ZBTB20: variants seen among roughly 807,000 people sequenced by gnomAD.
The protein encoded by ZBTB20 is zinc finger and BTB domain containing 20.
Under a neutral mutation model 56.9 loss-of-function variants are expected in ZBTB20, and 9 were observed. The observed-to-expected ratio is 0.16, with a 90% CI of 0.10 to 0.28. The LOEUF is 0.28. Ranked by LOEUF, ZBTB20 falls within the 10% of genes least tolerant of loss-of-function variation. The pLI, the probability that ZBTB20 is intolerant of heterozygous loss-of-function variation, is 1.00. For synonymous variants in ZBTB20, 417 were observed against 420.7 expected (o/e 0.99, Z 0.11); for missense variants, 655 against 1,003.0 (o/e 0.65, Z 4.69).
chr3:115,147,076 C>A, intron 1 of ZBTB20, 143 bp downstream of exon 1: 1 of 147,346 alleles, frequency 6.8e-6, no homozygotes, highest in South Asian at 2.1e-4. Flanking sequence ...AACTCGCTCC[C>A]CCAACCCCAC....
At chr3:114,988,941 T>C (rs1438034808) in intron 2 of ZBTB20, among the ~76,000 whole-genome samples, 5 of 152,212 alleles carry the variant, frequency 3.3e-5, no homozygotes, top group East Asian at 1.9e-4. Flanking sequence ...CAGTTTTTGA[T>C]GGAGTTGTTT....
intron 3 of ZBTB20, among the ~76,000 whole-genome samples, chr3:114,917,599 G>A (rs1254121515): frequency 1.3e-5 from 2 of 152,202 alleles, no homozygotes; most frequent in Non-Finnish European, 2.9e-5. Flanking sequence ...TCCAGGGTCA[G>A]TTACACTGAG....
At chr3:114,831,213 G>A (rs1311586502) in intron 4 of ZBTB20, among the ~76,000 whole-genome samples, 3 of 146,908 alleles carry the variant, frequency 2.0e-5, no homozygotes, top group African/African-American at 7.5e-5. Flanking sequence ...GGAGCACAGA[G>A]AACTTATAAA....
At chr3:114,479,336 A>G (rs1192023195) in intron 7 of ZBTB20, among the ~76,000 whole-genome samples, 1 of 152,180 alleles carries the variant, frequency 6.6e-6, no homozygotes, top group Non-Finnish European at 1.5e-5. Flanking sequence ...GTATGTTGCT[A>G]CTTCTCTTAA....
intron 1 of ZBTB20, among the ~76,000 whole-genome samples, chr3:115,081,733 C>T (rs1474360262): frequency 1.3e-5 from 2 of 152,092 alleles, no homozygotes; most frequent in East Asian, 3.9e-4. Flanking sequence ...CAGATCTTTA[C>T]TTACCTTGAA....
intron 7 of ZBTB20, among the ~76,000 whole-genome samples, chr3:114,486,630 C>T (rs1464077408): frequency 6.6e-6 from 1 of 152,112 alleles, no homozygotes; most frequent in Non-Finnish European, 1.5e-5. Context: ...CCTTGAGTAG[C>T]TTATAAGGAC....
chr3:114,920,487 TA>T (rs1439394635), intron 3 of ZBTB20, among the ~76,000 whole-genome samples: 3 of 151,654 alleles, frequency 2.0e-5, no homozygotes, highest in Admixed American at 6.6e-5. Context: ...AATGAAAAAA[TA>T]AAAGTGGAAA....
chr3:114,921,184 G>GTGAC lies in ZBTB20; in HGVS notation c.-455-20846_-455-20843dup, dbSNP rs1479228764. Reference sequence around the variant, plus strand: ...GTCACCCAGGCTGCAGTGCAATGGTGTGACCTTGGCTCACTGCAACCTCCA... The same window carrying GTGAC: ...GTCACCCAGGCTGCAGTGCAATGGTGTGACTGACCTTGGCTCACTGCAACCTCCA... On this transcript the variant is annotated intron_variant, in intron 3 of 11. Transcript: ENST00000675478. Among the ~76,000 whole-genome samples, 18 of 152,248 alleles carry GTGAC rather than the reference G, an allele frequency of 1.2e-4. No homozygotes were observed. In the East Asian group the frequency reaches 3.5e-3, roughly 29 times the overall value.
chr3:114,735,796 A>AT (rs1327465046), intron 5 of ZBTB20, among the ~76,000 whole-genome samples: 2 of 152,032 alleles, frequency 1.3e-5, no homozygotes, highest in Non-Finnish European at 2.9e-5. Flanking sequence ...ACTTCAGAAG[A>AT]TTTTTTTCTT....
intron 4 of ZBTB20, among the ~76,000 whole-genome samples, chr3:114,846,930 A>C (rs1368770267): frequency 6.6e-6 from 1 of 152,178 alleles, no homozygotes; most frequent in Non-Finnish European, 1.5e-5. Context: ...TTACCATCCT[A>C]ACTTTCTGAA....
At chr3:115,036,085 G>A (rs953720053) in intron 2 of ZBTB20, among the ~76,000 whole-genome samples, 5 of 152,024 alleles carry the variant, frequency 3.3e-5, no homozygotes, top group Non-Finnish European at 5.9e-5. Context: ...GGAAAAATGA[G>A]GAGTTGTTCT....
At chr3:115,119,757 G>T (rs1306399022) in intron 1 of ZBTB20, among the ~76,000 whole-genome samples, 2 of 152,046 alleles carry the variant, frequency 1.3e-5, no homozygotes, top group Non-Finnish European at 2.9e-5. Context: ...TCACGATTCC[G>T]ATTCCTTGCT....
At chr3:114,487,578 G>C (rs1444605396) in intron 7 of ZBTB20, among the ~76,000 whole-genome samples, 1 of 152,228 alleles carries the variant, frequency 6.6e-6, no homozygotes, top group Admixed American at 6.5e-5. Context: ...GTCAAGGAAT[G>C]CTCCAATTAC....
At chr3:114,624,232 T>A (rs1456653683) in intron 6 of ZBTB20, 2 of 151,856 alleles carry the variant, frequency 1.3e-5, no homozygotes, top group African/African-American at 4.8e-5. Flanking sequence ...GAGTTCACAG[T>A]GTTCCAGAGT....
intron 7 of ZBTB20, among the ~76,000 whole-genome samples, chr3:114,410,888 TG>T (rs1399964683): frequency 6.6e-6 from 1 of 152,020 alleles, no homozygotes; most frequent in East Asian, 1.9e-4. Flanking sequence ...CTGTGGAAAA[TG>T]GCTACTCCTG....
At chr3:114,453,921 TCCC>T (rs71616313) in intron 7 of ZBTB20, among the ~76,000 whole-genome samples, 2 of 80,302 alleles carry the variant, frequency 2.5e-5, no homozygotes, top group Admixed American at 2.9e-4. Flanking sequence ...TTAAGCTCAC[TCCC>T]CCCCCCCCCA....
chr3:114,712,447 T>C (rs2064149911), intron 5 of ZBTB20, among the ~76,000 whole-genome samples: 1 of 151,928 alleles, frequency 6.6e-6, no homozygotes, highest in Non-Finnish European at 1.5e-5. Context: ...GGTCGGGAGT[T>C]TGAGACCAGT....
intron 6 of ZBTB20, among the ~76,000 whole-genome samples, chr3:114,656,279 T>G (rs1221393445): frequency 6.6e-6 from 1 of 152,198 alleles, no homozygotes; most frequent in Non-Finnish European, 1.5e-5. Context: ...TCTTTGCATA[T>G]TTTTGTGTTT....
chr3:115,146,794 C>T (rs1281280887), intron 1 of ZBTB20, among the ~76,000 whole-genome samples: 1 of 152,182 alleles, frequency 6.6e-6, no homozygotes, highest in Non-Finnish European at 1.5e-5. Context: ...GGCTAGTCCC[C>T]CTCAGCTCCT....
Sources: allele counts gnomAD v4.1 joint callset (sites outside exome capture counted in the v4.1 genomes callset), GRCh38; gene constraint gnomAD v4.1.1; transcripts MANE v1.5; gene names NCBI Gene and HGNC (gene_info 2026-07-23, HGNC 2026-07-21).